Variants in DOCK2 observed in about 807,000 individuals in gnomAD.
DOCK2 encodes dedicator of cytokinesis 2.
A neutral mutation model predicts 248.9 loss-of-function variants in DOCK2; 87 were observed. That is an observed-to-expected ratio of 0.35 (90% CI 0.29 to 0.42). DOCK2 has a LOEUF of 0.42. Among genes scored for constraint, DOCK2 ranks in the 10% least tolerant of loss-of-function variants. The pLI, the probability that DOCK2 is intolerant of heterozygous loss-of-function variation, is 1.00. For synonymous variants in DOCK2, 805 were observed against 821.6 expected (o/e 0.98, Z 0.35); for missense variants, 1,747 against 2,300.2 (o/e 0.76, Z 4.92).
chr5:169,745,054 C>T (rs1763532053), intron 22 of DOCK2, among the ~76,000 whole-genome samples: 1 of 152,190 alleles, frequency 6.6e-6, no homozygotes, highest in Non-Finnish European at 1.5e-5. Flanking sequence ...GGAATTCATT[C>T]AGCGTTTTCA....
chr5:169,646,009 A>C (rs1473528048), intron 1 of DOCK2, among the ~76,000 whole-genome samples: 3 of 152,090 alleles, frequency 2.0e-5, no homozygotes, highest in African/African-American at 7.2e-5. Context: ...TCAGCCTCCC[A>C]AAGTGCTGGG....
chr5:169,856,565 T>C (rs1441972851), intron 27 of DOCK2, among the ~76,000 whole-genome samples: 1 of 152,234 alleles, frequency 6.6e-6, no homozygotes, highest in East Asian at 1.9e-4. Flanking sequence ...TTTTGTTCCC[T>C]TTGATCCCTG....
rs538499917 is a variant in DOCK2 at position 169,795,495 on chromosome 5, T to A, written c.2555-7563T>A. Among the ~76,000 whole-genome samples, 11 of 152,172 alleles carry A rather than the reference T, an allele frequency of 7.2e-5. No individual in the cohort carries two copies. In the East Asian group the frequency reaches 2.1e-3, roughly 29 times the overall value. Reference sequence around the variant, plus strand: ...TTCTGGGGGTGAGGCAAGTGACTCATGGGGAGCTGCTGAAGAATGCGTTGG... The same window carrying A: ...TTCTGGGGGTGAGGCAAGTGACTCAAGGGGAGCTGCTGAAGAATGCGTTGG... On this transcript the variant is annotated intron_variant, in intron 25 of 51. Coordinates refer to ENST00000520908, the MANE Select transcript of DOCK2 (RefSeq NM_004946.3).
At chr5:169,646,993 T>C (rs544813131) in intron 1 of DOCK2, among the ~76,000 whole-genome samples, 3 of 152,328 alleles carry the variant, frequency 2.0e-5, no homozygotes, top group Middle Eastern at 6.8e-3. Flanking sequence ...TCGGGAAGCT[T>C]ACAGTCCAGT....
intron 27 of DOCK2, among the ~76,000 whole-genome samples, chr5:169,959,914 A>G (rs1777016478): frequency 6.6e-6 from 1 of 152,214 alleles, no homozygotes; most frequent in African/African-American, 2.4e-5. Context: ...AGCCTGCAAT[A>G]TTTGGAAGGG....
chr5:169,982,946 C>T lies in DOCK2; in HGVS notation c.2800-122C>T, dbSNP rs1400216008. On this transcript the variant is annotated intron_variant, in intron 27 of 51. Transcript: ENST00000520908. ...TCGGCACTGCTATTACAGTCCCAGGCACATAATAGTACTCAGTAAATACTT... is the reference window on the plus strand; with the variant it reads ...TCGGCACTGCTATTACAGTCCCAGGTACATAATAGTACTCAGTAAATACTT... 15 of 893,660 alleles carry T rather than the reference C, an allele frequency of 1.7e-5. No homozygotes were observed. In the Middle Eastern group the frequency reaches 7.8e-4, roughly 47 times the overall value. The allele number at this position is 893,660 out of a possible 1,614,324, so 55.4% of individuals were successfully genotyped here.
chr5:169,675,297 A>C (rs978369771), intron 6 of DOCK2, among the ~76,000 whole-genome samples: 13 of 152,190 alleles, frequency 8.5e-5, no homozygotes, highest in African/African-American at 3.1e-4. Flanking sequence ...GCATTTGAGA[A>C]CTATAAGGAC....
At chr5:169,879,560 G>C (rs1283924013) in intron 27 of DOCK2, among the ~76,000 whole-genome samples, 1 of 152,220 alleles carries the variant, frequency 6.6e-6, no homozygotes, top group African/African-American at 2.4e-5. Context: ...TTCTGGAAAG[G>C]ATGGTGTGCA....
At chr5:169,698,679 C>G (rs1760779441) in intron 11 of DOCK2, among the ~76,000 whole-genome samples, 1 of 152,196 alleles carries the variant, frequency 6.6e-6, no homozygotes, top group Non-Finnish European at 1.5e-5. Flanking sequence ...TTATTGGTGG[C>G]CTGGCAGAGG....
At chr5:169,962,644 C>G (rs1384933279) in intron 27 of DOCK2, among the ~76,000 whole-genome samples, 2 of 152,108 alleles carry the variant, frequency 1.3e-5, no homozygotes, top group Non-Finnish European at 2.9e-5. Flanking sequence ...GATCCCTAAC[C>G]TCTAGGAACG....
chr5:169,755,588 TA>T (rs1250979079), intron 23 of DOCK2, among the ~76,000 whole-genome samples: 1 of 151,778 alleles, frequency 6.6e-6, no homozygotes, highest in African/African-American at 2.4e-5. Context: ...ACTATAAATA[TA>T]AAAAACTAGC....
In DOCK2 at chr5:169,708,175, A is replaced by G. The variant is rs372498181; in HGVS notation, c.1390A>G (p.Ile464Val). 65 of 1,613,712 alleles carry G rather than the reference A, an allele frequency of 4.0e-5. No homozygotes were observed. The highest frequency in any genetic ancestry group is 5.3e-5 in the Non-Finnish European group (62 of 1,179,918). ...AEDGKTLPNAICVGAGDKPMN... is the reference protein window; with the variant it reads ...AEDGKTLPNAVCVGAGDKPMN... Reference sequence around the variant, plus strand: ...TTTGTTTTTCTTGGGTCAGAATGCAATTTGCGTGGGAGCAGGGGACAAGCC... The same window carrying G: ...TTTGTTTTTCTTGGGTCAGAATGCAGTTTGCGTGGGAGCAGGGGACAAGCC... The change falls in exon 15 of 52, where the codon ATT (isoleucine) becomes GTT (valine). Residue 464 changes from isoleucine to valine, a missense_variant. By Grantham distance (29) the Ile-to-Val change is conservative (BLOSUM62 3). Around this residue, in one of 4 missense-constraint regions of DOCK2, gnomAD observed 858 missense variants for 1,183.5 expected, o/e 0.72. Coordinates refer to ENST00000520908, the MANE Select transcript of DOCK2 (RefSeq NM_004946.3).
chr5:170,055,242 CA>C, intron 41 of DOCK2, 62 bp from the exon 42 acceptor site: 1 of 1,524,640 alleles, frequency 6.6e-7, no homozygotes, highest in Non-Finnish European at 9.1e-7. Context: ...CAGCAAGGAC[CA>C]GCTATACTTA....
intron 26 of DOCK2, among the ~76,000 whole-genome samples, chr5:169,809,077 C>A (rs1561718452): frequency 6.6e-6 from 1 of 152,028 alleles, no homozygotes; most frequent in African/African-American, 2.4e-5. Flanking sequence ...CTGCAACCTC[C>A]ACCTCCTGGC....
chr5:169,996,886 G>A (rs1468106071), intron 30 of DOCK2, among the ~76,000 whole-genome samples: 1 of 152,186 alleles, frequency 6.6e-6, no homozygotes, highest in Admixed American at 6.5e-5. Context: ...GTAGGGGTGG[G>A]ATGCCCCTCC....
intron 27 of DOCK2, among the ~76,000 whole-genome samples, chr5:169,935,715 C>G (rs1775960404): frequency 6.6e-6 from 1 of 152,162 alleles, no homozygotes; most frequent in South Asian, 2.1e-4. Context: ...GCTTCAACTG[C>G]TACATTATGT....
chr5:169,658,822 A>G (rs896186319), intron 2 of DOCK2, among the ~76,000 whole-genome samples: 17 of 151,600 alleles, frequency 1.1e-4, no homozygotes, highest in African/African-American at 4.1e-4. Context: ...AGGCAGGAGG[A>G]TCCCTTGAGC....
At chr5:169,803,234 C>G (rs538880787) in intron 26 of DOCK2, 28 bp downstream of exon 26, 1 of 1,606,356 alleles carries the variant, frequency 6.2e-7, no homozygotes, top group South Asian at 1.1e-5. Flanking sequence ...TGTAGATATC[C>G]TGGACTCAGA....
chr5:169,662,182 T>C (rs1249151529), intron 2 of DOCK2, among the ~76,000 whole-genome samples: 3 of 152,240 alleles, frequency 2.0e-5, no homozygotes. Flanking sequence ...TATCTCATTG[T>C]GGTTTGATTT....
Sources: gnomAD v4.1 joint callset for allele counts (sites outside exome capture counted in the v4.1 genomes callset) on GRCh38, gnomAD v4.1.1 for gene constraint, gnomAD v4.1.1 regional missense constraint, MANE v1.5 for transcripts, NCBI Gene and HGNC (gene_info 2026-07-23, HGNC 2026-07-21) for gene names.